The following CNOT4 variants were observed in gnomAD, a reference collection of about 807,000 sequenced individuals.
The protein encoded by CNOT4 is CCR4-NOT transcription complex subunit 4.
CNOT4 carries 8 observed loss-of-function variants against 73.8 expected under a neutral mutation model. The ratio of observed to expected loss-of-function variants is 0.11; its 90% CI spans 0.06 to 0.20. The LOEUF is 0.20. CNOT4 is among the 10% of genes least tolerant of loss of function. The pLI is 1.00. For synonymous variants in CNOT4, 293 were observed against 321.1 expected, an observed-to-expected ratio of 0.91 and a Z score of 0.94; for missense variants, 564 against 883.4, an observed-to-expected ratio of 0.64 and a Z score of 4.58.
intron 1 of CNOT4, among the ~76,000 whole-genome samples, chr7:135,481,134 T>C (rs1802354431): frequency 6.6e-6 from 1 of 151,890 alleles, no homozygotes; most frequent in South Asian, 2.1e-4. Flanking sequence ...AAAGGGAATA[T>C]CTACATAATG....
intron 6 of CNOT4, among the ~76,000 whole-genome samples, chr7:135,412,543 T>C (rs1797644244): frequency 6.6e-6 from 1 of 151,936 alleles, no homozygotes; most frequent in Non-Finnish European, 1.5e-5. Flanking sequence ...GACCTTATTT[T>C]AACATTGTTT....
At chr7:135,387,502 T>C in intron 10 of CNOT4, 2 of 977,910 alleles carry the variant, frequency 2.0e-6, no homozygotes, top group Non-Finnish European at 2.4e-6. Flanking sequence ...TCTATTATTA[T>C]TATTTTCAAT....
chr7:135,422,531 A>G (rs1315539952), intron 2 of CNOT4, among the ~76,000 whole-genome samples, 178 bp from the exon 3 acceptor site: 1 of 152,198 alleles, frequency 6.6e-6, no homozygotes, highest in East Asian at 1.9e-4. Context: ...TAAATAAAAT[A>G]GTTCTAATAA....
chr7:135,447,174 T>C (rs1799882779), intron 1 of CNOT4, among the ~76,000 whole-genome samples: 1 of 151,724 alleles, frequency 6.6e-6, no homozygotes, highest in East Asian at 1.9e-4. Context: ...CTTTAAGTTG[T>C]CCATTGTTTC....
At position 135,452,991 on chromosome 7, in the gene CNOT4, T is replaced by C. The variant is rs1416241335; in HGVS notation, c.-92-14568A>G. The stretch of plus-strand genomic sequence containing the variant: ...CAAGAAAAGGAATTGCCTATATCAA[T>C]TTATTTTCAACTGAAAAATACAGTT... On this transcript the variant is annotated intron_variant, in intron 1 of 11. Coordinates refer to ENST00000541284, the MANE Select transcript of CNOT4 (RefSeq NM_001190850.2). Among the ~76,000 whole-genome samples, 3 of 152,210 alleles carry C rather than the reference T, an allele frequency of 2.0e-5. No individual in the cohort carries two copies. The East Asian group carries it at 5.8e-4, about 29-fold the overall frequency.
chr7:135,444,926 G>C (rs1246175400), intron 1 of CNOT4: 20 of 1,593,672 alleles, frequency 1.3e-5, no homozygotes, highest in Admixed American at 1.7e-5. Context: ...TGCTGTGGAA[G>C]CTCTGACCTT....
chr7:135,455,057 C>T (rs182575707), intron 1 of CNOT4, among the ~76,000 whole-genome samples: 1 of 152,058 alleles, frequency 6.6e-6, no homozygotes, highest in Non-Finnish European at 1.5e-5. Context: ...GCTAGGAAAC[C>T]AGCCTGGACT....
intron 1 of CNOT4, among the ~76,000 whole-genome samples, chr7:135,489,716 C>T (rs371950945): frequency 1.1e-4 from 16 of 152,196 alleles, no homozygotes; most frequent in African/African-American, 3.6e-4. Context: ...ATTTCCTGTG[C>T]TCAGTAGTCC....
rs71174519 is a variant in CNOT4 at position 135,396,107 on chromosome 7, C to CTTTT, written c.880-228_880-225dup. On this transcript the variant is annotated intron_variant, in intron 8 of 11. Transcript: ENST00000541284. ...GCTTGAAAAGATTAAACTAGTCTCCCTTTTTTTTTTTTTTTTTTTTTTTTT... is the reference window on the plus strand; with the variant it reads ...GCTTGAAAAGATTAAACTAGTCTCCCTTTTTTTTTTTTTTTTTTTTTTTTTTTTT... Among the ~76,000 whole-genome samples, 899 of 95,384 alleles carry CTTTT rather than the reference C, an allele frequency of 9.4e-3. 97 individuals carry two copies. The highest frequency in any genetic ancestry group is 0.022 in the Middle Eastern group (3 of 134). The allele number at this position is 95,384 out of a possible 152,430, so 62.6% of individuals were successfully genotyped here.
chr7:135,391,257 T>C (rs566912460), intron 10 of CNOT4, among the ~76,000 whole-genome samples: 8 of 152,270 alleles, frequency 5.3e-5, no homozygotes, highest in South Asian at 2.1e-4. Context: ...TTCAGTTTTC[T>C]GGGGCATCTA....
At chr7:135,389,925 CAA>C (rs1369630923) in intron 10 of CNOT4, among the ~76,000 whole-genome samples, 3 of 152,020 alleles carry the variant, frequency 2.0e-5, no homozygotes, top group Admixed American at 2.0e-4. Context: ...AGTAAATTGG[CAA>C]AGATTCTTAT....
chr7:135,413,696 A>T (rs150732630), intron 5 of CNOT4, 83 bp from the exon 6 acceptor site: 1 of 1,395,368 alleles, frequency 7.2e-7, no homozygotes, highest in East Asian at 2.4e-5. Flanking sequence ...TAGTGTTTTC[A>T]AGTCACCTAA....
chr7:135,488,397 G>C (rs1472341867), intron 1 of CNOT4, among the ~76,000 whole-genome samples: 1 of 152,204 alleles, frequency 6.6e-6, no homozygotes, highest in Non-Finnish European at 1.5e-5. Flanking sequence ...ATTTTTAGTA[G>C]AGAAGGGGTT....
intron 2 of CNOT4, among the ~76,000 whole-genome samples, chr7:135,434,011 A>G (rs558300024): frequency 2.4e-4 from 36 of 152,326 alleles, no homozygotes; most frequent in African/African-American, 7.2e-4. Flanking sequence ...ACTTTCTGCA[A>G]AACAGGCACG....
At chr7:135,454,045 AAT>A (rs1173946338) in intron 1 of CNOT4, among the ~76,000 whole-genome samples, 2 of 148,238 alleles carry the variant, frequency 1.3e-5, no homozygotes, top group Non-Finnish European at 3.0e-5. Context: ...AGCCATCTGG[AAT>A]AAAACTAAAT....
chr7:135,395,299 A>T (rs1365652488), intron 9 of CNOT4, among the ~76,000 whole-genome samples: 1 of 152,036 alleles, frequency 6.6e-6, no homozygotes, highest in Admixed American at 6.6e-5. Flanking sequence ...GTGAGCTAAG[A>T]TCACACTACT....
At chr7:135,404,425 T>C (rs1797168537) in intron 7 of CNOT4, among the ~76,000 whole-genome samples, 1 of 152,122 alleles carries the variant, frequency 6.6e-6, no homozygotes, top group Admixed American at 6.5e-5. Flanking sequence ...AATTGATAAC[T>C]ATTTTTAGGT....
chr7:135,454,555 T>C (rs1800405032), intron 1 of CNOT4, among the ~76,000 whole-genome samples: 1 of 151,430 alleles, frequency 6.6e-6, no homozygotes, highest in African/African-American at 2.4e-5. Context: ...GCACCTGTGG[T>C]CCCAGCTACA....
chr7:135,370,145 A>C (rs936163607), intron 10 of CNOT4, among the ~76,000 whole-genome samples: 1 of 152,224 alleles, frequency 6.6e-6, no homozygotes, highest in African/African-American at 2.4e-5. Flanking sequence ...AAGACACACC[A>C]ATACTCCACT....
Sources: allele counts gnomAD v4.1 joint callset (sites outside exome capture counted in the v4.1 genomes callset), GRCh38; gene constraint gnomAD v4.1.1; transcripts MANE v1.5; gene names NCBI Gene and HGNC (gene_info 2026-07-23, HGNC 2026-07-21).